The following IMPG2 variants were observed in gnomAD, a reference collection of about 807,000 sequenced individuals.
IMPG2 encodes interphotoreceptor matrix proteoglycan 2, also known as IPM 200.
Under a neutral mutation model 129.2 loss-of-function variants are expected in IMPG2, and 91 were observed. The observed-to-expected ratio is 0.70, with a 90% confidence interval of 0.59 to 0.84. The LOEUF is 0.84. Ranked by LOEUF, IMPG2 falls within the 40% of genes least tolerant of loss-of-function variation. The pLI is 0.00. For synonymous variants in IMPG2, 510 were observed against 517.7 expected (o/e 0.99, Z 0.20); for missense variants, 1,430 against 1,461.7 (o/e 0.98, Z 0.35).
rs1327580941 is a variant in IMPG2 at position 101,244,290 on chromosome 3, G to A, written c.2041C>T (p.Pro681Ser). 1.9e-6 allele frequency: 3 copies of A among 1,613,906 alleles called. No individual in the cohort carries two copies. The highest frequency in any genetic ancestry group is 2.5e-6 in the Non-Finnish European group (3 of 1,179,986). The change falls in exon 13 of 19, where the codon CCT (proline) becomes TCT (serine). Residue 681 changes from proline to serine, a missense_variant. Physicochemically the swap from Pro to Ser is moderately conservative, Grantham distance 74 (BLOSUM62 -1). Transcript: ENST00000193391. ...ATGGGCACAGCAGGCCCACTAAGAGGCTCTTCCTCTGGAAAGTGTGTGGAT... is the reference window on the plus strand; with the variant it reads ...ATGGGCACAGCAGGCCCACTAAGAGACTCTTCCTCTGGAAAGTGTGTGGAT... ...DRSTHFPEEE[P>S]LSGPAVPIFA...
chr3:101,269,396 C>T (rs750679033), intron 8 of IMPG2, 119 bp downstream of exon 8: 299 of 646,990 alleles, frequency 4.6e-4, no homozygotes, highest in Non-Finnish European at 7.2e-4. Context: ...CCAGAAATAG[C>T]ATTGAGTTAC....
Position 101,244,656 on chromosome 3 carries a change from G to A in IMPG2, c.1675C>T (p.Pro559Ser), listed in dbSNP as rs1706455841. 1 of 1,613,804 alleles carries A rather than the reference G, an allele frequency of 6.2e-7. No individual in the cohort carries two copies. Among genetic ancestry groups the A allele is most frequent in the Non-Finnish European group, 8.5e-7 (1 of 1,179,942 alleles). ...AAAGGTATAGAAGAGGTCAGATATG[G>A]TGAAGATGTTAAGGACACATCAGAG... The part of the protein sequence containing the change: ...EDSDVSLTSS[P>S]YLTSSIPFGL... The change falls in exon 13 of 19, where the codon CCA (proline) becomes TCA (serine). Residue 559 changes from proline (P) to serine (S), a missense_variant. Coordinates refer to ENST00000193391, the MANE Select transcript of IMPG2 (RefSeq NM_016247.4).
chr3:101,233,271 G>C (rs1008323568), intron 14 of IMPG2, among the ~76,000 whole-genome samples: 1 of 152,174 alleles, frequency 6.6e-6, no homozygotes, highest in Non-Finnish European at 1.5e-5. Flanking sequence ...AGAAGCTTTA[G>C]AAATCCATGC....
At chr3:101,318,555 G>C (rs1295346677) in intron 2 of IMPG2, among the ~76,000 whole-genome samples, 1 of 152,262 alleles carries the variant, frequency 6.6e-6, no homozygotes, top group Non-Finnish European at 1.5e-5. Context: ...GGGAAGAAGG[G>C]AAGGACAGGA....
At chr3:101,320,232 G>A in intron 1 of IMPG2, 56 bp downstream of exon 1, 1 of 1,009,914 alleles carries the variant, frequency 9.9e-7, no homozygotes, top group South Asian at 1.4e-5. Context: ...TCCTATTTTT[G>A]AAGAACATAT....
At chr3:101,253,510 T>G (rs1343048327) in intron 11 of IMPG2, among the ~76,000 whole-genome samples, 186 bp downstream of exon 11, 1 of 152,128 alleles carries the variant, frequency 6.6e-6, no homozygotes, top group African/African-American at 2.4e-5. Context: ...TGCAGAAGGC[T>G]TAAATTTTCT....
intron 7 of IMPG2, among the ~76,000 whole-genome samples, chr3:101,272,622 C>G (rs1000615117): frequency 6.6e-6 from 1 of 152,188 alleles, no homozygotes; most frequent in Non-Finnish European, 1.5e-5. Context: ...TGCCAGGTGG[C>G]CACTGGCCTG....
chr3:101,293,123 GT>G (rs2107128028), intron 3 of IMPG2, among the ~76,000 whole-genome samples: 1 of 152,254 alleles, frequency 6.6e-6, no homozygotes, highest in African/African-American at 2.4e-5. Context: ...AGTCATGAAT[GT>G]TGTCAGTGCC....
rs752864788 is a variant in IMPG2, at chr3:101,253,705, T to A, written c.1230A>T (p.Ser410=). 2.2e-5 allele frequency: 35 copies of A among 1,610,366 alleles called. No individual in the cohort carries two copies. Among genetic ancestry groups the A allele is most frequent in the Non-Finnish European group, 2.9e-5 (34 of 1,177,716 alleles). Residue 410 remains serine, a synonymous_variant, in exon 11 of 19, where the codon TCA becomes TCT. Transcript: ENST00000193391. ...AAACATAAAAACATACCAGAATAGA[T>A]GACGGCGTTGCCTGAAGACTTGAAC... ...TQSSSLQATP[S]SILDNTFQAA...
At chr3:101,314,830 T>C (rs2058775826) in intron 2 of IMPG2, among the ~76,000 whole-genome samples, 1 of 152,058 alleles carries the variant, frequency 6.6e-6, no homozygotes, top group African/African-American at 2.4e-5. Flanking sequence ...TGTTCATAGA[T>C]CAGAAGACTC....
chr3:101,259,487 C>T (rs548817076), intron 9 of IMPG2, among the ~76,000 whole-genome samples: 86 of 151,368 alleles, frequency 5.7e-4, no homozygotes, highest in Middle Eastern at 3.4e-3. Flanking sequence ...TTCACAGTGA[C>T]GGTGTCTCAG....
chr3:101,242,454 A>G (rs1047360581), intron 14 of IMPG2, among the ~76,000 whole-genome samples: 15 of 152,230 alleles, frequency 9.9e-5, no homozygotes, highest in Non-Finnish European at 1.6e-4. Flanking sequence ...GGGTAGAGAA[A>G]GGAATGGAGG....
intron 3 of IMPG2, among the ~76,000 whole-genome samples, chr3:101,297,913 G>A (rs1309398441): frequency 1.3e-5 from 2 of 152,198 alleles, no homozygotes; most frequent in Non-Finnish European, 2.9e-5. Flanking sequence ...TAACTATTAG[G>A]TCCACTTGAT....
At chr3:101,273,800 A>AATAAATG in intron 6 of IMPG2, 58 bp from the exon 7 acceptor site, 2 of 1,476,732 alleles carry the variant, frequency 1.4e-6, no homozygotes, top group Non-Finnish European at 1.9e-6. Flanking sequence ...ATCAACAAAC[A>AATAAATG]TTTATTGATT....
At chr3:101,256,097 GGAAAGAAA>G (rs542912377) in intron 10 of IMPG2, among the ~76,000 whole-genome samples, 1 of 104,628 alleles carries the variant, frequency 9.6e-6, no homozygotes. Flanking sequence ...AGAGAAAGAA[GGAAAGAAA>G]GAAAGAAAGA....
intron 3 of IMPG2, among the ~76,000 whole-genome samples, chr3:101,297,461 T>C (rs2107131702): frequency 6.6e-6 from 1 of 152,302 alleles, no homozygotes; most frequent in Non-Finnish European, 1.5e-5. Context: ...TAGCTTCCAC[T>C]TGCCTCTCTG....
intron 11 of IMPG2, among the ~76,000 whole-genome samples, chr3:101,251,683 C>T (rs944417765): frequency 1.3e-5 from 2 of 152,060 alleles, no homozygotes; most frequent in Admixed American, 1.3e-4. Context: ...ATTCAATTTC[C>T]CAACATTCCT....
At chr3:101,227,607 T>A (rs915051838) in intron 18 of IMPG2, among the ~76,000 whole-genome samples, 10 of 152,252 alleles carry the variant, frequency 6.6e-5, no homozygotes, top group African/African-American at 2.4e-4. Context: ...ACTACTGAAA[T>A]GGAGCCGTGG....
In IMPG2 at chr3:101,244,212, A is replaced by G. The variant is rs1706446361; in HGVS notation, c.2119T>C (p.Ser707Pro). The change falls in exon 13 of 19, where the codon TCA becomes CCA. Residue 707 changes from serine (S) to proline (P), a missense_variant. Physicochemically the swap from Ser to Pro is moderately conservative, Grantham distance 74 (BLOSUM62 -1). Transcript: ENST00000193391. ...TAATCATCAACACCAGGTACTTCTG[A>G]TATGTGCTTGGGGAGGGTTAGAGAC... The part of the protein sequence containing the change: ...SASLTLPKHI[S>P]EVPGVDDYSV... The G allele has an allele frequency of 6.2e-7, 1 of 1,613,922 alleles. No individual in the cohort carries two copies. Among genetic ancestry groups the G allele is most frequent in the Non-Finnish European group, 8.5e-7 (1 of 1,179,968 alleles).
Sources: allele counts gnomAD v4.1 joint callset (sites outside exome capture counted in the v4.1 genomes callset), GRCh38; gene constraint gnomAD v4.1.1; transcripts MANE v1.5; gene names NCBI Gene and HGNC (gene_info 2026-07-23, HGNC 2026-07-21).